The following DMBT1 variants were observed in gnomAD, a reference collection of about 807,000 sequenced individuals.
The protein encoded by DMBT1 is scavenger receptor cysteine-rich domain-containing protein DMBT1.
Under a neutral mutation model 252.9 loss-of-function variants are expected in DMBT1, and 198 were observed. The observed-to-expected ratio is 0.78, with a 90% CI of 0.70 to 0.88. The LOEUF (loss-of-function observed/expected upper bound fraction) is 0.88, where lower values mean the gene tolerates loss of function less well. Ranked by LOEUF, DMBT1 falls within the 40% of genes least tolerant of loss-of-function variation. The probability of loss-of-function intolerance (pLI) is 0.00; values close to 1 mark genes in which losing one functional copy is unlikely to be tolerated. For synonymous variants in DMBT1, 990 were observed against 942.7 expected (o/e 1.05, Z -0.92); for missense variants, 2,432 against 2,404.7 (o/e 1.01, Z -0.24).
intron 5 of DMBT1, 39 bp from the exon 6 acceptor site, chr10:122,573,676 G>A: frequency 6.2e-7 from 1 of 1,612,530 alleles, no homozygotes; most frequent in East Asian, 2.2e-5. Context: ...CCCAAGCGAG[G>A]GCTACGATCA....
chr10:122,620,487 C>T (rs763124728), intron 43 of DMBT1, among the ~76,000 whole-genome samples, 196 bp downstream of exon 43: 48 of 152,240 alleles, frequency 3.2e-4, no homozygotes, highest in Admixed American at 5.2e-4. Flanking sequence ...TGACCTGTCT[C>T]CCCTGGGATT....
intron 15 of DMBT1, 82 bp downstream of exon 15, chr10:122,585,391 T>A: frequency 2.0e-6 from 3 of 1,494,932 alleles, no homozygotes; most frequent in Non-Finnish European, 2.8e-6. Flanking sequence ...AGGATGAGGG[T>A]CAAGGTGGGC....
chr10:122,598,491 G>C (rs889102724), intron 25 of DMBT1, among the ~76,000 whole-genome samples: 1 of 152,156 alleles, frequency 6.6e-6, no homozygotes, highest in African/African-American at 2.4e-5. Context: ...GTGTAGCTCT[G>C]TCCTGTGTGT....
At chr10:122,562,845 G>C (rs761740230) in intron 1 of DMBT1, among the ~76,000 whole-genome samples, 1 of 152,228 alleles carries the variant, frequency 6.6e-6, no homozygotes, top group Non-Finnish European at 1.5e-5. Context: ...GCTGAAGTTA[G>C]GAACAATTAT....
At chr10:122,618,412 C>A (rs983929315) in intron 41 of DMBT1, 72 bp downstream of exon 41, 8 of 1,609,120 alleles carry the variant, frequency 5.0e-6, no homozygotes, top group African/African-American at 1.3e-5. Context: ...TAATTACATT[C>A]TGATCTCCTC....
At chr10:122,578,920 G>A (rs1399250465) in intron 9 of DMBT1, among the ~76,000 whole-genome samples, 161 bp downstream of exon 9, 2 of 152,090 alleles carry the variant, frequency 1.3e-5, no homozygotes, top group Non-Finnish European at 2.9e-5. Context: ...GAGTCAGCTC[G>A]GCACTGGGAA....
chr10:122,560,777 A>T lies in DMBT1; in HGVS notation c.7A>T (p.Ile3Phe). 1 of 1,571,632 alleles carries T rather than the reference A, an allele frequency of 6.4e-7. No homozygotes were observed. The highest frequency in any genetic ancestry group is 8.6e-7 in the Non-Finnish European group (1 of 1,156,468). The change falls in exon 1 of 56, where the codon ATC (isoleucine) becomes TTC (phenylalanine). Residue 3 changes from isoleucine to phenylalanine, a missense_variant. By Grantham distance (21) the Ile-to-Phe change is conservative. This residue lies in a region of DMBT1 where 1,264 missense variants were observed against 1,082.2 expected (regional missense o/e 1.17). Transcript: ENST00000338354. ...TTGAGAAGAACCCAGCAAAATGGGGATCTCCACAGTCATCCTTGAAATGTG... is the reference window on the plus strand; with the variant it reads ...TTGAGAAGAACCCAGCAAAATGGGGTTCTCCACAGTCATCCTTGAAATGTG... MG[I>F]STVILEMCLL...
chr10:122,621,448 C>T, intron 44 of DMBT1, 68 bp downstream of exon 44: 1 of 1,603,750 alleles, frequency 6.2e-7, no homozygotes, highest in African/African-American at 1.3e-5. Context: ...CTCCTAATTA[C>T]ATTCTGATCT....
In DMBT1 at chr10:122,631,208, C is replaced by G; in HGVS notation, c.6273C>G (p.Leu2091=). 1 of 1,614,020 alleles carries G rather than the reference C, an allele frequency of 6.2e-7. No individual in the cohort carries two copies. Among genetic ancestry groups the G allele is most frequent in the South Asian group, 1.1e-5 (1 of 91,076 alleles). The part of the protein sequence containing the change: ...DVECSGTEST[L]WQCRNRGWFS... ...AGTGCTCAGGGACGGAATCCACTCT[C>G]TGGCAGTGCCGGAACCGAGGCTGGT... Residue 2091 remains leucine (L), a synonymous_variant, in exon 49 of 56, where the codon CTC becomes CTG. Coordinates refer to ENST00000338354, the MANE Select transcript of DMBT1 (RefSeq NM_001377530.1).
At chr10:122,560,946 C>G (rs2097541091) in intron 1 of DMBT1, 115 bp downstream of exon 1, 1 of 685,522 alleles carries the variant, frequency 1.5e-6, no homozygotes, top group African/African-American at 1.8e-5. Flanking sequence ...GTGGGTAGCA[C>G]TTTGCTGATA....
chr10:122,632,028 G>A (rs924920459), intron 50 of DMBT1, among the ~76,000 whole-genome samples, 153 bp downstream of exon 50: 4 of 152,008 alleles, frequency 2.6e-5, no homozygotes, highest in Admixed American at 6.6e-5. Context: ...CCGGCCACCA[G>A]GATAGTGTGC....
chr10:122,633,989 T>G (rs1281931094), intron 52 of DMBT1, among the ~76,000 whole-genome samples: 2 of 151,936 alleles, frequency 1.3e-5, no homozygotes, highest in African/African-American at 4.8e-5. Flanking sequence ...GTACAAAAAT[T>G]AGCTGGGTGT....
intron 49 of DMBT1, 110 bp from the exon 50 acceptor site, chr10:122,631,745 C>A: frequency 1.6e-6 from 2 of 1,245,710 alleles, no homozygotes; most frequent in African/African-American, 1.5e-5. Context: ...TGGGGACCCT[C>A]GCCGAGGGGG....
intron 26 of DMBT1, 107 bp from the exon 27 acceptor site, chr10:122,599,957 C>A: frequency 6.8e-7 from 1 of 1,471,814 alleles, no homozygotes; most frequent in Non-Finnish European, 9.5e-7. Context: ...GTGATAGGAA[C>A]TAGGATGGAC....
At position 122,618,096 on chromosome 10, in the gene DMBT1, C is replaced by A. The variant is rs1271011171; in HGVS notation, c.4971C>A (p.Gly1657=). ...CRGRVEVLYQ[G]SWGTVCDDYW... ...GCCGAGTGGAGGTCCTATACCAAGG[C>A]TCCTGGGGCACCGTGTGTGATGACT... Residue 1657 remains glycine (G), a synonymous_variant, in exon 41 of 56, where the codon GGC becomes GGA. Transcript: ENST00000338354. 1.2e-6 allele frequency: 2 copies of A among 1,613,768 alleles called. No homozygotes were observed. Among genetic ancestry groups the A allele is most frequent in the African/African-American group, 1.3e-5 (1 of 74,892 alleles).
Position 122,618,322 on chromosome 10 carries a change from G to A in DMBT1, c.5197G>A (p.Ala1733Thr). The A allele has an allele frequency of 6.2e-7, 1 of 1,613,858 alleles. No homozygotes were observed. The highest frequency in any genetic ancestry group is 8.5e-7 in the Non-Finnish European group (1 of 1,179,776). The change falls in exon 41 of 56, where the codon GCT (alanine) becomes ACT (threonine). Residue 1733 changes from alanine (A) to threonine (T), a missense_variant. Ala to Thr is a moderately conservative substitution (Grantham distance 58). Transcript: ENST00000338354. Reference sequence around the variant, plus strand: ...CCACAACTGTGGCCATCATGAAGATGCTGGTGTCATCTGCTCAGGTGGGCT... The same window carrying A: ...CCACAACTGTGGCCATCATGAAGATACTGGTGTCATCTGCTCAGGTGGGCT... ...LSHNCGHHED[A>T]GVICSAAQSQ...
chr10:122,571,086 A>T, intron 4 of DMBT1, 149 bp downstream of exon 4: 2 of 968,814 alleles, frequency 2.1e-6, no homozygotes, highest in Non-Finnish European at 1.6e-6. Flanking sequence ...TGCTCTGTGT[A>T]TGTGCAACTC....
chr10:122,631,154 C>T lies in DMBT1; in HGVS notation c.6219C>T (p.Gly2073=), dbSNP rs763204708. The T allele has an allele frequency of 1.2e-6, 2 of 1,613,996 alleles. No individual in the cohort carries two copies. The highest frequency in any genetic ancestry group is 1.7e-6 in the Non-Finnish European group (2 of 1,179,906). ...SALGNAYFGS[G]SGPITLDDVE... is the part of the protein sequence containing the mutation. ...TTGGAAATGCATATTTTGGCTCTGG[C>T]TCTGGCCCCATCACCCTGGACGATG... Residue 2073 remains glycine, a synonymous_variant, in exon 49 of 56, where the codon GGC becomes GGT. Transcript: ENST00000338354.
chr10:122,634,140 G>GAAAAC (rs912841706), intron 52 of DMBT1, among the ~76,000 whole-genome samples: 2 of 152,078 alleles, frequency 1.3e-5, no homozygotes, highest in African/African-American at 4.8e-5. Flanking sequence ...CCTGTCTCAG[G>GAAAAC]AAAACAAAAC....
Sources: gnomAD v4.1 joint callset for allele counts (sites outside exome capture counted in the v4.1 genomes callset) on GRCh38, gnomAD v4.1.1 for gene constraint, gnomAD v4.1.1 regional missense constraint, MANE v1.5 for transcripts, NCBI Gene and HGNC (gene_info 2026-07-23, HGNC 2026-07-21) for gene names.